KSR2: variants seen among roughly 807,000 people sequenced by gnomAD.
KSR2 encodes kinase suppressor of ras 2.
KSR2 carries 25 observed loss-of-function variants against 107.8 expected under a neutral mutation model. The observed-to-expected ratio is 0.23, with a 90% CI of 0.17 to 0.32. The LOEUF is 0.32. Among genes scored for constraint, KSR2 ranks in the 10% least tolerant of loss-of-function variants. The pLI, the probability that KSR2 is intolerant of heterozygous loss-of-function variation, is 1.00. For synonymous variants in KSR2, 480 were observed against 507.0 expected, an observed-to-expected ratio of 0.95 and a Z score of 0.71; for missense variants, 887 against 1,268.9, an observed-to-expected ratio of 0.70 and a Z score of 4.57.
At chr12:117,829,099 G>A (rs539945701) in intron 3 of KSR2, among the ~76,000 whole-genome samples, 1 of 152,222 alleles carries the variant, frequency 6.6e-6, no homozygotes, top group African/African-American at 2.4e-5. Context: ...GGAAGATGAA[G>A]ACATAAGAGT....
intron 4 of KSR2, among the ~76,000 whole-genome samples, chr12:117,746,225 A>G (rs1888399184): frequency 6.6e-6 from 1 of 152,218 alleles, no homozygotes; most frequent in Admixed American, 6.5e-5. Context: ...TACTGGTACC[A>G]AAACAGATAT....
At chr12:117,694,138 G>A (rs1172634633) in intron 4 of KSR2, among the ~76,000 whole-genome samples, 2 of 152,094 alleles carry the variant, frequency 1.3e-5, no homozygotes, top group Admixed American at 1.3e-4. Context: ...AAACACCACG[G>A]CAGTTCCTCT....
At chr12:117,721,624 G>A (rs887757131) in intron 4 of KSR2, among the ~76,000 whole-genome samples, 2 of 152,158 alleles carry the variant, frequency 1.3e-5, no homozygotes, top group Non-Finnish European at 2.9e-5. Context: ...GACCACTGCT[G>A]CCTCCTCCCC....
chr12:117,704,707 A>G (rs1886453461), intron 4 of KSR2, among the ~76,000 whole-genome samples: 1 of 151,948 alleles, frequency 6.6e-6, no homozygotes. Flanking sequence ...AAAATACAAA[A>G]CATTAGCTGG....
At chr12:117,895,496 C>A (rs1262110789) in intron 1 of KSR2, among the ~76,000 whole-genome samples, 1 of 152,110 alleles carries the variant, frequency 6.6e-6, no homozygotes, top group African/African-American at 2.4e-5. Context: ...GTGTTGGAAT[C>A]TGGCATTTTT....
chr12:117,512,307 C>A (rs1592942290), intron 14 of KSR2, among the ~76,000 whole-genome samples: 1 of 152,146 alleles, frequency 6.6e-6, no homozygotes, highest in Non-Finnish European at 1.5e-5. Flanking sequence ...ATGACAATAC[C>A]CTCTTCCTGG....
chr12:117,480,022 A>ATGTGTG (rs752171470), intron 16 of KSR2, among the ~76,000 whole-genome samples: 3,082 of 142,126 alleles, frequency 0.022, 50 homozygotes, highest in East Asian at 0.068. Context: ...ATCATTACAC[A>ATGTGTG]TGTGTATGTG....
intron 3 of KSR2, among the ~76,000 whole-genome samples, chr12:117,800,848 GTGT>G (rs1352799151): frequency 6.6e-6 from 1 of 152,048 alleles, no homozygotes; most frequent in East Asian, 1.9e-4. Flanking sequence ...AGAACACGTG[GTGT>G]TTGGTTTTCT....
chr12:117,882,276 G>C (rs1416830792), intron 1 of KSR2, among the ~76,000 whole-genome samples: 1 of 152,152 alleles, frequency 6.6e-6, no homozygotes, highest in African/African-American at 2.4e-5. Context: ...AAAGCTCTCT[G>C]GAGGAGGTGG....
At chr12:117,471,442 T>C in intron 17 of KSR2, 122 bp from the exon 18 acceptor site, 1 of 1,060,220 alleles carries the variant, frequency 9.4e-7, no homozygotes, top group Non-Finnish European at 1.4e-6. Flanking sequence ...CCCACTTTCT[T>C]CCTCATGGGG....
chr12:117,769,698 G>A (rs1889367149), intron 3 of KSR2, among the ~76,000 whole-genome samples: 2 of 152,182 alleles, frequency 1.3e-5, no homozygotes, highest in South Asian at 4.1e-4. Flanking sequence ...ACGCCACTGA[G>A]GATTAAATAA....
chr12:117,944,302 G>T (rs1896107784), intron 1 of KSR2, among the ~76,000 whole-genome samples: 1 of 152,192 alleles, frequency 6.6e-6, no homozygotes, highest in South Asian at 2.1e-4. Flanking sequence ...CTTGAACCCG[G>T]GAGACGGAGG....
intron 4 of KSR2, among the ~76,000 whole-genome samples, chr12:117,670,241 G>A (rs1884847840): frequency 6.6e-6 from 1 of 152,304 alleles, no homozygotes; most frequent in Middle Eastern, 3.4e-3. Flanking sequence ...AATAATAACA[G>A]CAACAACAGC....
Position 117,911,174 on chromosome 12 carries a change from TCACACA to T in KSR2, c.181-50749_181-50744del, listed in dbSNP as rs374154062. On this transcript the variant is annotated intron_variant, in intron 1 of 19. Transcript: ENST00000339824. ...CACATTCTTTCTCTCTCTCTCTCTC[TCACACA>T]CACACACACACACACACACTCAAGA... 1.7e-3 allele frequency among the ~76,000 whole-genome samples: 246 copies of T among 149,044 alleles called. 2 individuals carry two copies. The highest frequency in any genetic ancestry group is 2.6e-3 in the Non-Finnish European group (175 of 67,268).
chr12:117,524,191 C>CT (rs909262136), intron 14 of KSR2, among the ~76,000 whole-genome samples: 53 of 152,146 alleles, frequency 3.5e-4, no homozygotes, highest in African/African-American at 1.3e-3. Context: ...TATTGGGCCC[C>CT]TTACAAAAAA....
intron 4 of KSR2, among the ~76,000 whole-genome samples, chr12:117,719,925 C>T (rs1159450888): frequency 1.3e-5 from 2 of 152,226 alleles, no homozygotes; most frequent in East Asian, 3.9e-4. Context: ...CTTCTCCTTA[C>T]CCTCAATGTC....
At chr12:117,812,155 C>A (rs1891211435) in intron 3 of KSR2, among the ~76,000 whole-genome samples, 1 of 152,182 alleles carries the variant, frequency 6.6e-6, no homozygotes, top group African/African-American at 2.4e-5. Context: ...ATAGGGTAGT[C>A]ACTAGACACA....
At chr12:117,513,401 C>T (rs1874158528) in intron 14 of KSR2, among the ~76,000 whole-genome samples, 1 of 152,142 alleles carries the variant, frequency 6.6e-6, no homozygotes, top group South Asian at 2.1e-4. Context: ...GCAACTGGAG[C>T]CAGGTTGGGA....
Position 117,473,678 on chromosome 12 carries a change from T to G in KSR2, c.2583-2358A>C, listed in dbSNP as rs77909356. The stretch of plus-strand genomic sequence containing the variant: ...CTGTGCTGGGTACCTTACAAATGTT[T>G]TCTCACTCAATTCTTAGAACACCTC... On this transcript the variant is annotated intron_variant, in intron 17 of 19. Transcript: ENST00000339824. Among the ~76,000 whole-genome samples the G allele has an allele frequency of 3.4e-3, 523 of 152,328 alleles. 5 individuals carry two copies. Among genetic ancestry groups the G allele is most frequent in the African/African-American group, 0.012 (492 of 41,570 alleles).
Sources: gnomAD v4.1 joint callset for allele counts (sites outside exome capture counted in the v4.1 genomes callset) on GRCh38, gnomAD v4.1.1 for gene constraint, MANE v1.5 for transcripts, NCBI Gene and HGNC (gene_info 2026-07-23, HGNC 2026-07-21) for gene names.